The following SUGP1 variants were observed in gnomAD, a reference collection of about 807,000 sequenced individuals.
SUGP1 encodes SURP and G-patch domain-containing protein 1.
A neutral mutation model predicts 76.5 loss-of-function variants in SUGP1; 34 were observed. The ratio of observed to expected loss-of-function variants is 0.44; its 90% CI spans 0.34 to 0.59. The LOEUF (loss-of-function observed/expected upper bound fraction) is 0.59. Among genes scored for constraint, SUGP1 ranks in the 20% least tolerant of loss-of-function variants. SUGP1 has a pLI of 0.01. For synonymous variants in SUGP1, 326 were observed against 326.2 expected, an observed-to-expected ratio of 1.00 and a Z score of 0.01; for missense variants, 752 against 851.7, an observed-to-expected ratio of 0.88 and a Z score of 1.46.
chr19:19,311,950 C>T (rs2061356198), intron 2 of SUGP1, among the ~76,000 whole-genome samples: 1 of 151,990 alleles, frequency 6.6e-6, no homozygotes, highest in Admixed American at 6.6e-5. Context: ...TGCACGTCTG[C>T]CTGGGCAACA....
rs545852496 is a variant in SUGP1 at position 19,300,613 on chromosome 19, C to G, written c.887+1652G>C. ...AAACACAGGAGCAAACCTGCACACC[C>G]TGCAGGGGCTTGAATACCTGGTCGT... On this transcript the variant is annotated intron_variant, in intron 7 of 13. Transcript: ENST00000247001. Among the ~76,000 whole-genome samples, 4 of 152,336 alleles carry G rather than the reference C, an allele frequency of 2.6e-5. No homozygotes were observed. The East Asian group carries it at 7.7e-4, about 29-fold the overall frequency.
In SUGP1 at chr19:19,310,084, G is replaced by A. The variant is rs1464341301; in HGVS notation, c.310+13C>T. ...GCAAGGACAGCACAAGGAAAGGGGAGGCCTACACTCACCTGTGCTGGTCTG... is the reference window on the plus strand; with the variant it reads ...GCAAGGACAGCACAAGGAAAGGGGAAGCCTACACTCACCTGTGCTGGTCTG... On this transcript the variant is annotated intron_variant, in intron 3 of 13. Coordinates refer to ENST00000247001, the MANE Select transcript of SUGP1 (RefSeq NM_172231.4). 1 of 1,607,206 alleles carries A rather than the reference G, an allele frequency of 6.2e-7. No homozygotes were observed. The highest frequency in any genetic ancestry group is 8.5e-7 in the Non-Finnish European group (1 of 1,174,310).
chr19:19,294,899 A>G (rs1487090871), intron 8 of SUGP1, among the ~76,000 whole-genome samples: 1 of 152,240 alleles, frequency 6.6e-6, no homozygotes, highest in East Asian at 1.9e-4. Context: ...AAGACAACCC[A>G]TAGAATGAGA....
intron 8 of SUGP1, among the ~76,000 whole-genome samples, chr19:19,289,854 A>G (rs1016191575): frequency 3.6e-4 from 55 of 152,330 alleles, no homozygotes; most frequent in Admixed American, 3.5e-3. Context: ...TGGCGTGCCC[A>G]GGGAGGGCAT....
In SUGP1 at chr19:19,304,082, C is replaced by A. The variant is rs145710513; in HGVS notation, c.539-235G>T. On this transcript the variant is annotated intron_variant, in intron 4 of 13. Coordinates refer to ENST00000247001, the MANE Select transcript of SUGP1 (RefSeq NM_172231.4). Reference sequence around the variant, plus strand: ...AAGTGTGTGAGGCTGTGGTGAGCTCCAGGCTGGAAGCTAGCAGAAAATATA... The same window carrying A: ...AAGTGTGTGAGGCTGTGGTGAGCTCAAGGCTGGAAGCTAGCAGAAAATATA... 1,558 of 1,483,026 alleles carry A rather than the reference C, an allele frequency of 1.1e-3. 12 individuals carry two copies. The African/African-American group carries it at 0.02, about 19-fold the overall frequency. 91.9% of individuals were successfully genotyped at this position (1,483,026 alleles called of 1,614,324 possible).
At chr19:19,287,979 G>A (rs1050809326) in intron 8 of SUGP1, among the ~76,000 whole-genome samples, 12 of 152,158 alleles carry the variant, frequency 7.9e-5, no homozygotes, top group Middle Eastern at 3.4e-3. Flanking sequence ...TGTTCAACAC[G>A]ACACTGATGA....
At chr19:19,317,620 C>G (rs996572166) in intron 1 of SUGP1, among the ~76,000 whole-genome samples, 3 of 152,088 alleles carry the variant, frequency 2.0e-5, no homozygotes, top group African/African-American at 7.2e-5. Flanking sequence ...CCGGCTCAAG[C>G]AATCCTCCCA....
At position 19,279,340 on chromosome 19, in the gene SUGP1, G is replaced by A; in HGVS notation, c.1401C>T (p.Asp467=). The change falls in exon 10 of 14, where the codon GAC becomes GAT. Residue 467 remains aspartate (D), a synonymous_variant. Coordinates refer to ENST00000247001, the MANE Select transcript of SUGP1 (RefSeq NM_172231.4). ...CTGCCTTCTCCCACAGCAGCTGCAT[G>A]TCCTGCATGGCCCGCTTGTGCTGCA... The part of the protein sequence containing the change: ...MIMQHKRAMQ[D]MQLLWEKAVQ... 6.2e-7 allele frequency: 1 copy of A among 1,610,656 alleles called. No homozygotes were observed. Among genetic ancestry groups the A allele is most frequent in the Non-Finnish European group, 8.5e-7 (1 of 1,179,810 alleles).
rs1164694313 is a variant in SUGP1 at position 19,294,396 on chromosome 19, C to T, written c.1243+2593G>A. Among the ~76,000 whole-genome samples, 15 of 150,296 alleles carry T rather than the reference C, an allele frequency of 1.0e-4. No individual in the cohort carries two copies. The Admixed American group carries it at 1.0e-3, about 10-fold the overall frequency. ...AAAGTTAGCCAGGTGTGCTGGCATG[C>T]ACTTGTAGTCCCACCTACTTGGGAG... On this transcript the variant is annotated intron_variant, in intron 8 of 13. Transcript: ENST00000247001.
At chr19:19,277,106 C>A (rs766395260) in intron 12 of SUGP1, 30 bp from the exon 13 acceptor site, 1 of 1,594,786 alleles carries the variant, frequency 6.3e-7, no homozygotes, top group Non-Finnish European at 8.5e-7. Context: ...TGAGCAGGGA[C>A]CTGGGGCCAG....
Position 19,294,112 on chromosome 19 carries a change from G to A in SUGP1, c.1243+2877C>T, listed in dbSNP as rs147054751. ...TGGGGCAGGAGAATCAATTGAGCCC[G>A]GGAGGTCAAGGCTGCAGTAAGCTGT... is the stretch of plus-strand genomic sequence containing the variant. On this transcript the variant is annotated intron_variant, in intron 8 of 13. Coordinates refer to ENST00000247001, the MANE Select transcript of SUGP1 (RefSeq NM_172231.4). Among the ~76,000 whole-genome samples the A allele has an allele frequency of 1.1e-4, 17 of 152,130 alleles. No homozygotes were observed. In the East Asian group the frequency reaches 1.5e-3, roughly 14 times the overall value.
At chr19:19,283,311 C>T (rs1307703720) in intron 8 of SUGP1, among the ~76,000 whole-genome samples, 2 of 152,014 alleles carry the variant, frequency 1.3e-5, no homozygotes, top group Non-Finnish European at 1.5e-5. Flanking sequence ...CTGTCACCCA[C>T]GCTGGAGTGT....
chr19:19,310,906 G>A (rs1426454689), intron 2 of SUGP1, among the ~76,000 whole-genome samples: 2 of 151,988 alleles, frequency 1.3e-5, no homozygotes, highest in Admixed American at 6.6e-5. Flanking sequence ...TCCTCCCAAG[G>A]TGTTGGGATT....
chr19:19,283,582 GTA>G (rs2061116869), intron 8 of SUGP1, among the ~76,000 whole-genome samples: 1 of 152,138 alleles, frequency 6.6e-6, no homozygotes, highest in Admixed American at 6.5e-5. Flanking sequence ...AGCCTCCCGA[GTA>G]GCCGGGACTA....
chr19:19,280,157 C>T (rs764298371), intron 9 of SUGP1, 28 bp downstream of exon 9: 25 of 1,605,514 alleles, frequency 1.6e-5, no homozygotes, highest in South Asian at 3.3e-5. Flanking sequence ...CCGACCATGT[C>T]CCCGTCCCCT....
intron 12 of SUGP1, 91 bp from the exon 13 acceptor site, chr19:19,277,167 C>A: frequency 8.0e-7 from 1 of 1,252,104 alleles, no homozygotes; most frequent in Admixed American, 2.5e-5. Flanking sequence ...GCACCTCCCG[C>A]GGGTGCAGGG....
At position 19,279,523 on chromosome 19, in the gene SUGP1, A is replaced by T. The variant is rs569367854; in HGVS notation, c.1351-133T>A. 4.3e-4 allele frequency: 415 copies of T among 960,770 alleles called. 3 individuals are homozygous for T. Among genetic ancestry groups the T allele is most frequent in the Admixed American group, 7.4e-5 (3 of 40,272 alleles). 59.5% of individuals were successfully genotyped at this position (960,770 alleles called of 1,614,324 possible). On this transcript the variant is annotated intron_variant, in intron 9 of 13. Coordinates refer to ENST00000247001, the MANE Select transcript of SUGP1 (RefSeq NM_172231.4). ...CATCTGGACCCCTGGGCAGGACTGG[A>T]GCAAGGACTCTAGCAAGTACTGAGT...
chr19:19,317,719 A>C (rs562993393), intron 1 of SUGP1, among the ~76,000 whole-genome samples: 3 of 151,594 alleles, frequency 2.0e-5, no homozygotes, highest in Non-Finnish European at 4.4e-5. Context: ...AGGTCTTGCT[A>C]TAGTGCCCAG....
At position 19,297,198 on chromosome 19, in the gene SUGP1, C is replaced by G. The variant is rs540622118; in HGVS notation, c.1034G>C (p.Gly345Ala). 2 of 1,606,160 alleles carry G rather than the reference C, an allele frequency of 1.2e-6. No individual in the cohort carries two copies. The highest frequency in any genetic ancestry group is 1.3e-5 in the African/African-American group (1 of 74,910). ...KRKSPPEALS[G>A]SLPPATTCPA... ...GCAGGTGGTGGCTGGGGGTAAGGAC[C>G]CTGACAGGGCCTCAGGAGGGGACTT... Residue 345 changes from glycine (G) to alanine (A), a missense_variant, in exon 8 of 14, where the codon GGG becomes GCG. Gly to Ala is a moderately conservative substitution (Grantham distance 60). Coordinates refer to ENST00000247001, the MANE Select transcript of SUGP1 (RefSeq NM_172231.4).
Sources: allele counts gnomAD v4.1 joint callset (sites outside exome capture counted in the v4.1 genomes callset), GRCh38; gene constraint gnomAD v4.1.1; transcripts MANE v1.5; gene names NCBI Gene and HGNC (gene_info 2026-07-23, HGNC 2026-07-21).